Variants in WDPCP observed in about 807,000 individuals in gnomAD.
WDPCP encodes WD repeat containing planar cell polarity effector.
A neutral mutation model predicts 93.1 loss-of-function variants in WDPCP; 71 were observed. The observed-to-expected ratio is 0.76, with a 90% CI of 0.63 to 0.93. WDPCP has a LOEUF of 0.93. Among genes scored for constraint, WDPCP ranks in the 40% least tolerant of loss-of-function variants. The pLI is 0.00. For missense variants in WDPCP, 844 were observed against 887.4 expected (o/e 0.95, Z 0.62); for synonymous variants, 315 against 315.0 (o/e 1.00, Z 0.00).
intron 2 of WDPCP, among the ~76,000 whole-genome samples, chr2:63,675,466 C>T (rs977817816): frequency 6.6e-6 from 1 of 152,108 alleles, no homozygotes; most frequent in African/African-American, 2.4e-5. Flanking sequence ...TTATTTGGTT[C>T]CCTCCAAAAT....
chr2:63,352,404 C>A (rs1329056617), intron 12 of WDPCP, among the ~76,000 whole-genome samples: 2 of 152,282 alleles, frequency 1.3e-5, no homozygotes, highest in East Asian at 3.9e-4. Flanking sequence ...CTGCTCCCAA[C>A]AAATTCATGA....
intron 13 of WDPCP, among the ~76,000 whole-genome samples, chr2:63,280,864 C>A (rs1683484121): frequency 6.6e-6 from 1 of 152,094 alleles, no homozygotes; most frequent in South Asian, 2.1e-4. Context: ...AGACCTGAAA[C>A]TATAAAAATT....
intron 14 of WDPCP, among the ~76,000 whole-genome samples, chr2:63,242,104 A>G (rs1399246267): frequency 6.6e-6 from 1 of 152,198 alleles, no homozygotes; most frequent in African/African-American, 2.4e-5. Flanking sequence ...TCTCCAGGTA[A>G]TAATATGAGT....
intron 9 of WDPCP, among the ~76,000 whole-genome samples, chr2:63,427,403 T>C (rs549294228): frequency 2.6e-5 from 4 of 152,120 alleles, no homozygotes; most frequent in South Asian, 2.1e-4. Context: ...TTGGACTACA[T>C]TGCAATAAAA....
chr2:63,572,618 G>C (rs1384528799), intron 1 of WDPCP, among the ~76,000 whole-genome samples: 1 of 145,076 alleles, frequency 6.9e-6, no homozygotes, highest in African/African-American at 2.6e-5. Flanking sequence ...CAGGAGAATC[G>C]CTTGAACCTG....
intron 17 of WDPCP, among the ~76,000 whole-genome samples, chr2:63,131,860 G>C (rs1380411454): frequency 6.8e-6 from 1 of 147,320 alleles, no homozygotes; most frequent in African/African-American, 2.5e-5. Flanking sequence ...TTTTGAGATG[G>C]GGTCTCGCTC....
intron 2 of WDPCP, among the ~76,000 whole-genome samples, chr2:63,487,999 T>G (rs1700664644): frequency 6.6e-6 from 1 of 152,086 alleles, no homozygotes; most frequent in Non-Finnish European, 1.5e-5. Context: ...TTTGGATACA[T>G]TATTATCTGA....
chr2:63,683,721 C>A (rs185349890), intron 2 of WDPCP, among the ~76,000 whole-genome samples: 1 of 151,952 alleles, frequency 6.6e-6, no homozygotes, highest in East Asian at 1.9e-4. Flanking sequence ...CGGTGGCATG[C>A]GCCTGTAGTC....
intron 15 of WDPCP, 71 bp downstream of exon 15, chr2:63,174,599 T>A: frequency 6.3e-7 from 1 of 1,587,386 alleles, no homozygotes; most frequent in Admixed American, 1.7e-5. Context: ...CTTGCTTTGC[T>A]ATTAGTTCGC....
At chr2:63,471,368 G>C (rs540056971) in intron 6 of WDPCP, among the ~76,000 whole-genome samples, 2 of 152,204 alleles carry the variant, frequency 1.3e-5, no homozygotes, top group Admixed American at 6.5e-5. Flanking sequence ...CCAATTCTTG[G>C]AAGTCCCACC....
intron 1 of WDPCP, among the ~76,000 whole-genome samples, chr2:63,497,485 T>G (rs1389751175): frequency 6.6e-6 from 1 of 152,194 alleles, no homozygotes; most frequent in East Asian, 1.9e-4. Context: ...TATTCATCCT[T>G]CTTTTTTCCT....
intron 3 of WDPCP, among the ~76,000 whole-genome samples, chr2:63,638,333 A>G (rs1709942899): frequency 6.6e-6 from 1 of 150,418 alleles, no homozygotes; most frequent in Admixed American, 6.6e-5. Context: ...TCTCACATAC[A>G]CACACACACA....
At chr2:63,633,538 T>C (rs910961235) in intron 3 of WDPCP, among the ~76,000 whole-genome samples, 3 of 152,100 alleles carry the variant, frequency 2.0e-5, no homozygotes, top group African/African-American at 7.2e-5. Flanking sequence ...GTTATAATTA[T>C]ATAATATTTT....
chr2:63,651,548 T>C (rs147673392), intron 2 of WDPCP, among the ~76,000 whole-genome samples: 2 of 152,042 alleles, frequency 1.3e-5, no homozygotes, highest in East Asian at 1.9e-4. Context: ...CTGAAATCCA[T>C]TGGGTAGGCA....
intron 14 of WDPCP, among the ~76,000 whole-genome samples, chr2:63,212,302 G>A (rs1242566041): frequency 6.6e-6 from 1 of 152,128 alleles, no homozygotes; most frequent in Non-Finnish European, 1.5e-5. Flanking sequence ...AAGAGAGTGG[G>A]GGCCAATATT....
At chr2:63,636,080 AAAC>A (rs2106634301) in intron 3 of WDPCP, among the ~76,000 whole-genome samples, 1 of 152,348 alleles carries the variant, frequency 6.6e-6, no homozygotes, top group East Asian at 1.9e-4. Context: ...ACTATCCAAA[AAAC>A]AAATCAAGAA....
chr2:63,480,905 G>C (rs1409078532), intron 6 of WDPCP, among the ~76,000 whole-genome samples: 1 of 152,030 alleles, frequency 6.6e-6, no homozygotes, highest in Non-Finnish European at 1.5e-5. Context: ...TTAAACTAAA[G>C]AGCTTTTGCA....
chr2:63,320,786 AAAAATTAG>A, intron 12 of WDPCP, among the ~76,000 whole-genome samples: 1 of 8,352 alleles, frequency 1.2e-4, no homozygotes, highest in African/African-American at 3.1e-3. Context: ...AAAAATTAGT[AAAAATTAG>A]TACAAACAAA....
chr2:63,486,612 A>G, intron 3 of WDPCP, 26 bp from the exon 4 acceptor site: 1 of 1,555,884 alleles, frequency 6.4e-7, no homozygotes, highest in Middle Eastern at 1.8e-4. Flanking sequence ...AAGGGATAGA[A>G]AGAAAAAAAC....
Sources: gnomAD v4.1 joint callset for allele counts (sites outside exome capture counted in the v4.1 genomes callset) on GRCh38, gnomAD v4.1.1 for gene constraint, MANE v1.5 for transcripts, NCBI Gene and HGNC (gene_info 2026-07-23, HGNC 2026-07-21) for gene names.